SOX13: variants seen among roughly 807,000 people sequenced by gnomAD.
SOX13 encodes SRY-box transcription factor 13.
Under a neutral mutation model 71.8 loss-of-function variants are expected in SOX13, and 28 were observed. That is an observed-to-expected ratio of 0.39 (90% CI 0.29 to 0.53). The LOEUF is 0.53. Ranked by LOEUF, SOX13 falls within the 20% of genes least tolerant of loss-of-function variation. The pLI, the probability that SOX13 is intolerant of heterozygous loss-of-function variation, is 0.70. For synonymous variants in SOX13, 309 were observed against 317.8 expected, an observed-to-expected ratio of 0.97 and a Z score of 0.29; for missense variants, 627 against 810.3, an observed-to-expected ratio of 0.77 and a Z score of 2.75.
At chr1:204,078,013 C>G (rs1034623439) in intron 1 of SOX13, 1 of 152,152 alleles carries the variant, frequency 6.6e-6, no homozygotes, top group African/African-American at 2.4e-5. Flanking sequence ...GGCGTTTCAC[C>G]GTGTTGGTTT....
At chr1:204,117,222 G>A (rs774658950) in intron 6 of SOX13, 32 bp downstream of exon 6, 10 of 1,596,278 alleles carry the variant, frequency 6.3e-6, no homozygotes, top group Non-Finnish European at 8.6e-6. Context: ...AGAGGCACAG[G>A]AGGCAGTTGA....
In SOX13 at chr1:204,081,085, G is replaced by C. The variant is rs988641258; in HGVS notation, c.-2+7374G>C. Among the ~76,000 whole-genome samples, 4 of 151,868 alleles carry C rather than the reference G, an allele frequency of 2.6e-5. No homozygotes were observed. The highest frequency in any genetic ancestry group is 9.7e-5 in the African/African-American group (4 of 41,356). ...CGCGACCATGCCTGGCTAATTTTTT[G>C]TATTTTTAGTAGAGACGGGATTTCT... On this transcript the variant is annotated intron_variant, in intron 1 of 13. Coordinates refer to ENST00000367204, the MANE Select transcript of SOX13 (RefSeq NM_005686.3). This position sits in a 1 kb window ranked among gnomAD's most constrained non-coding sequence, Gnocchi z 4.3.
intron 1 of SOX13, among the ~76,000 whole-genome samples, chr1:204,084,675 C>T (rs559159848): frequency 1.3e-5 from 2 of 152,262 alleles, no homozygotes; most frequent in South Asian, 4.1e-4. Flanking sequence ...TTGTCTCCTC[C>T]TCCCTGGCCT....
In SOX13 at chr1:204,125,926, T is replaced by C. The variant is rs1656911728; in HGVS notation, c.1661T>C (p.Leu554Pro). 1 of 1,613,514 alleles carries C rather than the reference T, an allele frequency of 6.2e-7. No individual in the cohort carries two copies. Among genetic ancestry groups the C allele is most frequent in the South Asian group, 1.1e-5 (1 of 91,018 alleles). ...TACCCTCGGGCAGCAGGCATGCCGC[T>C]GGCACAGCCACTGGTGGAGCACTAT... ...VLYPRAAGMP[L>P]AQPLVEHYVP... The change falls in exon 14 of 14, where the codon CTG becomes CCG. Residue 554 changes from leucine to proline, a missense_variant. Transcript: ENST00000367204.
intron 1 of SOX13, among the ~76,000 whole-genome samples, chr1:204,077,393 T>C (rs900334479): frequency 1.3e-5 from 2 of 152,204 alleles, no homozygotes; most frequent in Non-Finnish European, 2.9e-5. Flanking sequence ...TAATCATAGT[T>C]GCCCCAAGGG....
rs1194450892 is a variant in SOX13 at position 204,073,621 on chromosome 1, C to G, written c.-92C>G. 6.6e-6 allele frequency: 1 copy of G among 151,930 alleles called. No homozygotes were observed. Among genetic ancestry groups the G allele is most frequent in the Admixed American group, 6.5e-5 (1 of 15,270 alleles). 9.4% of individuals were successfully genotyped at this position (151,930 alleles called of 1,614,324 possible). On this transcript the variant is annotated 5_prime_UTR_variant, in exon 1 of 14. Coordinates refer to ENST00000367204, the MANE Select transcript of SOX13 (RefSeq NM_005686.3). This position sits in a 1 kb window ranked among gnomAD's most constrained non-coding sequence, Gnocchi z 6.8. ...GTCGCGGGGGCATGTGAGCGGGAAG[C>G]CTAGGCTGCCAGCCGCGAGGACCGC...
At chr1:204,107,309 C>T (rs1185871391) in intron 1 of SOX13, among the ~76,000 whole-genome samples, 5 of 152,168 alleles carry the variant, frequency 3.3e-5, no homozygotes, top group African/African-American at 1.2e-4. Flanking sequence ...GGATTCAAAC[C>T]CTGCGGGTCT....
intron 1 of SOX13, among the ~76,000 whole-genome samples, chr1:204,106,803 C>T (rs936880898): frequency 2.0e-5 from 3 of 152,066 alleles, no homozygotes; most frequent in Admixed American, 6.5e-5. Flanking sequence ...TCGCGCCCAG[C>T]GACTCCAAAA....
chr1:204,105,884 C>T (rs1169770658), intron 1 of SOX13, among the ~76,000 whole-genome samples: 2 of 152,132 alleles, frequency 1.3e-5, no homozygotes, highest in African/African-American at 4.8e-5. Flanking sequence ...CTGACCAGTA[C>T]CAAGGCATCA....
intron 1 of SOX13, among the ~76,000 whole-genome samples, chr1:204,079,321 GGT>G (rs1393660380): frequency 6.7e-6 from 1 of 148,384 alleles, no homozygotes; most frequent in East Asian, 2.0e-4. Context: ...TCCAGCCTGT[GGT>G]GTGGTCCACA....
intron 1 of SOX13, among the ~76,000 whole-genome samples, chr1:204,104,698 T>C (rs1219474498): frequency 1.3e-5 from 2 of 152,228 alleles, no homozygotes; most frequent in African/African-American, 2.4e-5. Context: ...GGGATTAGTG[T>C]GTGCCCAGCG....
At position 204,126,150 on chromosome 1, in the gene SOX13, C is replaced by T. The variant is rs752651545; in HGVS notation, c.*16C>T. The T allele has an allele frequency of 5.0e-6, 8 of 1,609,400 alleles. No individual in the cohort carries two copies. The highest frequency in any genetic ancestry group is 6.8e-6 in the Non-Finnish European group (8 of 1,176,722). On this transcript the variant is annotated 3_prime_UTR_variant, in exon 14 of 14. Transcript: ENST00000367204. The stretch of plus-strand genomic sequence containing the variant: ...CACAGACTGATCCCGGCTGGGTGGG[C>T]CTGGCCCCTTCTCCTCTGGGGAAGA...
At chr1:204,084,023 G>T (rs1571565769) in intron 1 of SOX13, among the ~76,000 whole-genome samples, 2 of 152,198 alleles carry the variant, frequency 1.3e-5, no homozygotes, top group East Asian at 3.9e-4. Flanking sequence ...CCCCACCTGG[G>T]CCTCTAAGGG....
chr1:204,117,216 G>C (rs749453171), intron 6 of SOX13, 26 bp downstream of exon 6: 2 of 1,606,794 alleles, frequency 1.2e-6, no homozygotes, highest in South Asian at 2.2e-5. Flanking sequence ...ACCCGGAGAG[G>C]CACAGGAGGC....
rs144521467 is a variant in SOX13 at position 204,102,509 on chromosome 1, C to T, written c.-1-10406C>T. On this transcript the variant is annotated intron_variant, in intron 1 of 13. Coordinates refer to ENST00000367204, the MANE Select transcript of SOX13 (RefSeq NM_005686.3). Reference sequence around the variant, plus strand: ...TTCCTTGGCAGATTTGTAGCCTTTCCGCCTGTTTGCACTGTGGGGCACCTG... The same window carrying T: ...TTCCTTGGCAGATTTGTAGCCTTTCTGCCTGTTTGCACTGTGGGGCACCTG... Among the ~76,000 whole-genome samples, 1,075 of 152,136 alleles carry T rather than the reference C, an allele frequency of 7.1e-3. 15 individuals are homozygous for T. The highest frequency in any genetic ancestry group is 0.024 in the African/African-American group (1,016 of 41,522).
chr1:204,114,479 T>G (rs1327049359), intron 3 of SOX13, 40 bp from the exon 4 acceptor site: 5 of 1,604,492 alleles, frequency 3.1e-6, no homozygotes, highest in Non-Finnish European at 3.4e-6. Context: ...GGCAGGGAGG[T>G]GTTAAGACGG....
chr1:204,115,260 G>C (rs1222121681), intron 4 of SOX13, among the ~76,000 whole-genome samples: 1 of 151,336 alleles, frequency 6.6e-6, no homozygotes, highest in East Asian at 2.0e-4. Flanking sequence ...CTCCCACCTT[G>C]GCATCTCAAA....
At chr1:204,110,902 CAAAAA>C (rs35786896) in intron 1 of SOX13, among the ~76,000 whole-genome samples, 1 of 138,862 alleles carries the variant, frequency 7.2e-6, no homozygotes, top group Non-Finnish European at 1.6e-5. Context: ...AATCCCCATG[CAAAAA>C]AAAAAAAATC....
intron 1 of SOX13, among the ~76,000 whole-genome samples, chr1:204,089,448 G>A (rs1656096173): frequency 6.6e-6 from 1 of 152,212 alleles, no homozygotes; most frequent in Admixed American, 6.5e-5. Flanking sequence ...ATGAGGTCAG[G>A]ACAGTGATGC....
Sources: gnomAD v4.1 joint callset for allele counts (sites outside exome capture counted in the v4.1 genomes callset) on GRCh38, gnomAD v4.1.1 for gene constraint, Gnocchi (gnomAD v3.1) non-coding constraint, MANE v1.5 for transcripts, NCBI Gene and HGNC (gene_info 2026-07-23, HGNC 2026-07-21) for gene names.